HECW1: variants seen among roughly 807,000 people sequenced by gnomAD.
The protein encoded by HECW1 is HECT, C2 and WW domain containing E3 ubiquitin protein ligase 1.
In HECW1, 61 loss-of-function variants were observed where a neutral mutation model predicts 182.3. That is an observed-to-expected ratio of 0.33 (90% CI 0.27 to 0.41). HECW1 has a LOEUF of 0.41. HECW1 is among the 10% of genes least tolerant of loss of function. The pLI, the probability that HECW1 is intolerant of heterozygous loss-of-function variation, is 1.00. For missense variants in HECW1, 1,739 were observed against 2,108.9 expected, an observed-to-expected ratio of 0.82 and a Z score of 3.44; for synonymous variants, 859 against 832.6, an observed-to-expected ratio of 1.03 and a Z score of -0.55.
chr7:43,218,300 C>T (rs1796619631), intron 2 of HECW1, among the ~76,000 whole-genome samples: 1 of 152,198 alleles, frequency 6.6e-6, no homozygotes, highest in African/African-American at 2.4e-5. Context: ...ACTGCTTTCT[C>T]CTGCAGCAGC....
At chr7:43,122,911 CTTAT>C (rs1467240757) in intron 2 of HECW1, among the ~76,000 whole-genome samples, 5 of 152,030 alleles carry the variant, frequency 3.3e-5, no homozygotes, top group African/African-American at 7.2e-5. Context: ...TTTTCCGTTG[CTTAT>C]TTATTCCGAA....
At chr7:43,456,169 C>A in intron 12 of HECW1, 128 bp from the exon 13 acceptor site, 1 of 840,786 alleles carries the variant, frequency 1.2e-6, no homozygotes, top group Non-Finnish European at 1.8e-6. Flanking sequence ...GTGCTGTGGG[C>A]AGGGTCTGGC....
intron 2 of HECW1, among the ~76,000 whole-genome samples, chr7:43,209,499 AG>A (rs1485404428): frequency 6.6e-6 from 1 of 152,120 alleles, no homozygotes; most frequent in Non-Finnish European, 1.5e-5. Context: ...TCCTCTGTAA[AG>A]CACTGTCAAA....
At position 43,563,950 on chromosome 7, in the gene HECW1, G is replaced by A. The variant is rs1039185660; in HGVS notation, c.*2024G>A. 9.1e-5 allele frequency: 17 copies of A among 186,434 alleles called. No individual in the cohort carries two copies. Among genetic ancestry groups the A allele is most frequent in the Admixed American group, 1.9e-4 (3 of 16,102 alleles). 11.5% of individuals were successfully genotyped at this position (186,434 alleles called of 1,614,324 possible). ...CAGCACCCCTTGCAGCGATGTGTCC[G>A]TTGTCAATCAAGGAGTATACATTAT... On this transcript the variant is annotated 3_prime_UTR_variant, in exon 30 of 30. Coordinates refer to ENST00000395891, the MANE Select transcript of HECW1 (RefSeq NM_015052.5).
At chr7:43,255,783 A>G (rs1800506902) in intron 3 of HECW1, among the ~76,000 whole-genome samples, 1 of 152,072 alleles carries the variant, frequency 6.6e-6, no homozygotes, top group African/African-American at 2.4e-5. Context: ...AAGCCATTCC[A>G]CTCACAGGAA....
intron 2 of HECW1, among the ~76,000 whole-genome samples, chr7:43,240,902 C>T (rs148807006): frequency 2.8e-4 from 42 of 152,286 alleles, no homozygotes; most frequent in African/African-American, 9.4e-4. Flanking sequence ...GCAGAGGGAC[C>T]CTCCCCACGT....
chr7:43,399,427 T>C (rs1234828346), intron 7 of HECW1, among the ~76,000 whole-genome samples: 1 of 152,192 alleles, frequency 6.6e-6, no homozygotes, highest in Non-Finnish European at 1.5e-5. Flanking sequence ...GAAATAACAA[T>C]GATTAATACC....
intron 2 of HECW1, among the ~76,000 whole-genome samples, chr7:43,117,592 C>G (rs1785167664): frequency 6.6e-6 from 1 of 152,176 alleles, no homozygotes; most frequent in Non-Finnish European, 1.5e-5. Context: ...TCGTTTACGT[C>G]TTTTTCTCAC....
In HECW1 at chr7:43,488,486, A is replaced by AAGAAAGAAAGAAAGAAAGAG. The variant is rs1563046780; in HGVS notation, c.3235-3586_3235-3585insAAGAAAGAAAGAAAGAGAGA. ...AAAGAAAGAAAGAAAGAAAGAAAGA[A>AAGAAAGAAAGAAAGAAAGAG]AGAGAAAGAAAGAAAGAAAAGAAAA... On this transcript the variant is annotated intron_variant, in intron 17 of 29. Coordinates refer to ENST00000395891, the MANE Select transcript of HECW1 (RefSeq NM_015052.5). 1.7e-5 allele frequency among the ~76,000 whole-genome samples: 2 copies of AAGAAAGAAAGAAAGAAAGAG among 120,444 alleles called. 1 individual carries two copies. The highest frequency in any genetic ancestry group is 3.6e-5 in the Non-Finnish European group (2 of 56,042). The allele number at this position is 120,444 out of a possible 152,430, so 79.0% of individuals were successfully genotyped here.
intron 3 of HECW1, among the ~76,000 whole-genome samples, chr7:43,247,470 C>G (rs1453898144): frequency 6.6e-6 from 1 of 152,076 alleles, no homozygotes; most frequent in Non-Finnish European, 1.5e-5. Flanking sequence ...ATGGTGAGAC[C>G]CCATCTCTAA....
chr7:43,197,984 A>G (rs17642283), intron 2 of HECW1, among the ~76,000 whole-genome samples: 19,426 of 151,732 alleles, frequency 0.13, 1,590 homozygotes, highest in Non-Finnish European at 0.18. Flanking sequence ...CTTTCCTGCC[A>G]TTGCCCCTAG....
intron 16 of HECW1, among the ~76,000 whole-genome samples, chr7:43,478,753 G>GT (rs1294906762): frequency 2.6e-5 from 4 of 151,848 alleles, no homozygotes; most frequent in Non-Finnish European, 5.9e-5. Context: ...TCTTTTTAAA[G>GT]TTTTTTCTCA....
At position 43,425,305 on chromosome 7, in the gene HECW1, G is replaced by GATAGATAA. The variant is rs1310239682; in HGVS notation, c.802-12691_802-12690insAATAGATA. ...TAGCTAGGTAGATAGATAGATAGAT[G>GATAGATAA]ATAGATAGATAGATAGATAGATAGA... On this transcript the variant is annotated intron_variant, in intron 8 of 29. Coordinates refer to ENST00000395891, the MANE Select transcript of HECW1 (RefSeq NM_015052.5). 3.4e-3 allele frequency among the ~76,000 whole-genome samples: 13 copies of GATAGATAA among 3,792 alleles called. No homozygotes were observed. In the Admixed American group the frequency reaches 0.058, roughly 17 times the overall value. The allele number at this position is 3,792 out of a possible 152,430, so 2.5% of individuals were successfully genotyped here.
intron 4 of HECW1, among the ~76,000 whole-genome samples, chr7:43,316,267 G>A (rs1442961338): frequency 6.6e-6 from 1 of 152,094 alleles, no homozygotes; most frequent in Non-Finnish European, 1.5e-5. Flanking sequence ...CTTTTCCTGA[G>A]GAACTTTTCT....
intron 8 of HECW1, among the ~76,000 whole-genome samples, chr7:43,419,701 G>A (rs1296567909): frequency 1.3e-5 from 2 of 152,162 alleles, no homozygotes; most frequent in Non-Finnish European, 2.9e-5. Context: ...AGGAATAGAA[G>A]GGAACTTTTT....
chr7:43,392,120 T>A (rs991393585), intron 6 of HECW1, among the ~76,000 whole-genome samples: 1 of 152,248 alleles, frequency 6.6e-6, no homozygotes, highest in Non-Finnish European at 1.5e-5. Context: ...TGGAGCCTTA[T>A]ACTTTTCATT....
At chr7:43,152,039 T>C (rs1472027482) in intron 2 of HECW1, among the ~76,000 whole-genome samples, 2 of 152,188 alleles carry the variant, frequency 1.3e-5, no homozygotes, top group South Asian at 2.1e-4. Context: ...ATCAAACAGC[T>C]CATTTACCAC....
intron 27 of HECW1, 25 bp from the exon 28 acceptor site, chr7:43,552,197 T>C (rs534473917): frequency 2.8e-6 from 4 of 1,431,544 alleles, no homozygotes; most frequent in East Asian, 4.5e-5. Context: ...TGGACCTGGA[T>C]GCTGAAGCCT....
Position 43,565,592 on chromosome 7 carries a change from T to C in HECW1, c.*3666T>C, listed in dbSNP as rs2082310534. On this transcript the variant is annotated 3_prime_UTR_variant, in exon 30 of 30. Coordinates refer to ENST00000395891, the MANE Select transcript of HECW1 (RefSeq NM_015052.5). Reference sequence around the variant, plus strand: ...ATTATTATTATTATTTTTATTATTATTATTATTACGTACTTCAGTGTTCAT... The same window carrying C: ...ATTATTATTATTATTTTTATTATTACTATTATTACGTACTTCAGTGTTCAT... 1.2e-5 allele frequency: 2 copies of C among 167,998 alleles called. No individual in the cohort carries two copies. The highest frequency in any genetic ancestry group is 1.3e-4 in the Admixed American group (2 of 15,472). The allele number at this position is 167,998 out of a possible 1,614,324, so 10.4% of individuals were successfully genotyped here. A position where few individuals can be genotyped will look rare whatever the true frequency, so the allele number is the denominator to read the frequency against.
Sources: allele counts gnomAD v4.1 joint callset (sites outside exome capture counted in the v4.1 genomes callset), GRCh38; gene constraint gnomAD v4.1.1; transcripts MANE v1.5; gene names NCBI Gene and HGNC (gene_info 2026-07-23, HGNC 2026-07-21).